The following SGCD variants were observed in gnomAD, a reference collection of about 807,000 sequenced individuals.
The protein encoded by SGCD is sarcoglycan delta.
SGCD carries 18 observed loss-of-function variants against 36.6 expected under a neutral mutation model. The ratio of observed to expected loss-of-function variants is 0.49; its 90% CI spans 0.34 to 0.73. SGCD has a LOEUF of 0.73. Ranked by LOEUF, SGCD falls within the 30% of genes least tolerant of loss-of-function variation. The pLI is 0.01. For synonymous variants in SGCD, 133 were observed against 130.6 expected (o/e 1.02, Z -0.12); for missense variants, 387 against 346.7 (o/e 1.12, Z -0.92).
At chr5:156,351,690 TAC>T (rs1243166422) in intron 3 of SGCD, among the ~76,000 whole-genome samples, 1 of 152,050 alleles carries the variant, frequency 6.6e-6, no homozygotes, top group Non-Finnish European at 1.5e-5. Flanking sequence ...CTGTCGCAGT[TAC>T]AGTTTGCAAA....
At chr5:156,530,990 G>A (rs963343900) in intron 4 of SGCD, among the ~76,000 whole-genome samples, 3 of 152,154 alleles carry the variant, frequency 2.0e-5, no homozygotes, top group Non-Finnish European at 4.4e-5. Flanking sequence ...TGGTTTAAAT[G>A]TGTCCCCTCC....
intron 1 of SGCD, among the ~76,000 whole-genome samples, chr5:156,070,058 C>T (rs990636752): frequency 1.3e-5 from 2 of 151,648 alleles, no homozygotes; most frequent in South Asian, 4.1e-4. Context: ...TCTAGATATA[C>T]AATCATGTCA....
In SGCD at chr5:156,009,938, A is replaced by G. The variant is rs79132387; in HGVS notation, c.-281-107940A>G. ...AAAAGCTAAGCATCAACATGGACCA[A>G]AAGGCCAGTTTTCTTTGTAGACTCA... On this transcript the variant is annotated intron_variant, in intron 1 of 9. Coordinates refer to the SGCD transcript ENST00000517913. 3.4e-3 allele frequency among the ~76,000 whole-genome samples: 525 copies of G among 152,316 alleles called. 3 individuals carry two copies. Among genetic ancestry groups the G allele is most frequent in the African/African-American group, 9.7e-3 (402 of 41,568 alleles).
the SGCD span, among the ~76,000 whole-genome samples, chr5:155,761,954 C>T: frequency 1.3e-5 from 2 of 152,164 alleles, no homozygotes; most frequent in Non-Finnish European, 2.9e-5. Context: ...GTGCTAAGTA[C>T]ATTTCCTAAC....
chr5:156,259,404 T>C (rs1202707177), intron 3 of SGCD, among the ~76,000 whole-genome samples: 1 of 152,072 alleles, frequency 6.6e-6, no homozygotes, highest in East Asian at 1.9e-4. Context: ...TTCTGCTCTA[T>C]AGTTTGTCTA....
chr5:155,922,649 GTTTCT>G (rs1756901216), intron 1 of SGCD, among the ~76,000 whole-genome samples: 1 of 152,160 alleles, frequency 6.6e-6, no homozygotes, highest in Non-Finnish European at 1.5e-5. Flanking sequence ...TTGAGAGAGA[GTTTCT>G]GTGTGTGTGG....
intron 6 of SGCD, among the ~76,000 whole-genome samples, chr5:156,608,399 G>A (rs1383057858): frequency 6.6e-6 from 1 of 152,186 alleles, no homozygotes; most frequent in Non-Finnish European, 1.5e-5. Flanking sequence ...TTGCACTGTG[G>A]TCTGAGAGAC....
chr5:156,249,103 TC>T (rs1765511811), intron 3 of SGCD, among the ~76,000 whole-genome samples: 1 of 152,164 alleles, frequency 6.6e-6, no homozygotes, highest in South Asian at 2.1e-4. Context: ...GGACAGAACT[TC>T]TGGATGCACA....
chr5:156,308,615 A>G (rs1767303495), intron 3 of SGCD, among the ~76,000 whole-genome samples: 1 of 152,142 alleles, frequency 6.6e-6, no homozygotes, highest in Non-Finnish European at 1.5e-5. Flanking sequence ...CCATACTTTT[A>G]AACAATCAGC....
At chr5:156,634,730 T>C (rs576176533) in intron 6 of SGCD, among the ~76,000 whole-genome samples, 1 of 152,278 alleles carries the variant, frequency 6.6e-6, no homozygotes, top group East Asian at 1.9e-4. Flanking sequence ...AACCCACAGA[T>C]CTATTAATAT....
intron 3 of SGCD, among the ~76,000 whole-genome samples, chr5:156,125,009 C>G (rs17053239): frequency 0.021 from 3,145 of 152,226 alleles, 172 homozygotes; most frequent in Admixed American, 0.11. Flanking sequence ...ATTTAAGTCT[C>G]TGTGCTCACT....
chr5:155,746,511 A>C, the SGCD span, among the ~76,000 whole-genome samples: 1 of 152,202 alleles, frequency 6.6e-6, no homozygotes, highest in Non-Finnish European at 1.5e-5. Context: ...CAGGCTGCTC[A>C]AAAGAGAATT....
At chr5:156,682,006 T>C (rs184604936) in intron 7 of SGCD, among the ~76,000 whole-genome samples, 1 of 152,332 alleles carries the variant, frequency 6.6e-6, no homozygotes, top group Admixed American at 6.5e-5. Context: ...GTACCTAAAA[T>C]AACATGTTCT....
intron 1 of SGCD, among the ~76,000 whole-genome samples, chr5:156,044,575 A>G (rs763175611): frequency 3.3e-5 from 5 of 152,170 alleles, no homozygotes; most frequent in Non-Finnish European, 7.4e-5. Context: ...ACAGAAAACC[A>G]TTGATCATAA....
intron 3 of SGCD, among the ~76,000 whole-genome samples, chr5:156,350,095 G>A (rs1769161808): frequency 6.6e-6 from 1 of 151,224 alleles, no homozygotes; most frequent in Admixed American, 6.6e-5. Flanking sequence ...GGAGAGGGTG[G>A]GAAGGGGATG....
chr5:156,656,543 T>G (rs1184096412), intron 7 of SGCD, among the ~76,000 whole-genome samples: 1 of 152,180 alleles, frequency 6.6e-6, no homozygotes, highest in Non-Finnish European at 1.5e-5. Flanking sequence ...AACATATTTC[T>G]GTAACTCCTC....
At chr5:156,712,333 G>T (rs145225375) in intron 7 of SGCD, among the ~76,000 whole-genome samples, 86 of 152,290 alleles carry the variant, frequency 5.6e-4, no homozygotes, top group African/African-American at 2.0e-3. Flanking sequence ...TATGCCGCAA[G>T]CTTGGCAGAT....
At chr5:155,788,730 A>G in the SGCD span, among the ~76,000 whole-genome samples, 5 of 152,160 alleles carry the variant, frequency 3.3e-5, no homozygotes, top group Non-Finnish European at 5.9e-5. Context: ...TAAATATGAC[A>G]TTGTCTTTGC....
chr5:156,330,323 G>T (rs532207775), intron 2 of SGCD, among the ~76,000 whole-genome samples: 1 of 152,276 alleles, frequency 6.6e-6, no homozygotes, highest in Non-Finnish European at 1.5e-5. Flanking sequence ...TGACGAACGT[G>T]CTGGTACTGG....
Sources: allele counts gnomAD v4.1 joint callset (sites outside exome capture counted in the v4.1 genomes callset), GRCh38; gene constraint gnomAD v4.1.1; transcripts MANE v1.5; gene names NCBI Gene and HGNC (gene_info 2026-07-23, HGNC 2026-07-21).